The following ANO4 variants were observed in gnomAD, a reference collection of about 807,000 sequenced individuals.
ANO4 encodes anoctamin-4.
ANO4 carries 69 observed loss-of-function variants against 141.9 expected under a neutral mutation model. The observed-to-expected ratio is 0.49, with a 90% CI of 0.40 to 0.59. The LOEUF (loss-of-function observed/expected upper bound fraction) is 0.59, where lower values mean the gene tolerates loss of function less well. Among genes scored for constraint, ANO4 ranks in the 20% least tolerant of loss-of-function variants. ANO4 has a pLI of 0.00. For missense variants in ANO4, 894 were observed against 1,162.2 expected (o/e 0.77, Z 3.36); for synonymous variants, 350 against 394.3 (o/e 0.89, Z 1.33).
rs1220177267 is a variant in ANO4 at position 101,097,642 on chromosome 12, G to A, written c.1851-9G>A. Reference sequence around the variant, plus strand: ...GCACTAATGGCTTGTTTTTCTCTGTGTGTTGAAGATTTACAGGACACCCAG... The same window carrying A: ...GCACTAATGGCTTGTTTTTCTCTGTATGTTGAAGATTTACAGGACACCCAG... On this transcript the variant is annotated splice_polypyrimidine_tract_variant and intron_variant, in intron 19 of 27. Coordinates refer to ENST00000392977, the MANE Select transcript of ANO4 (RefSeq NM_001286615.2). 1 of 1,613,502 alleles carries A rather than the reference G, an allele frequency of 6.2e-7. No individual in the cohort carries two copies. The highest frequency in any genetic ancestry group is 8.5e-7 in the Non-Finnish European group (1 of 1,179,664).
At chr12:100,943,511 A>AT (rs573217361) in intron 5 of ANO4, among the ~76,000 whole-genome samples, 59 of 152,196 alleles carry the variant, frequency 3.9e-4, no homozygotes, top group African/African-American at 1.4e-3. Flanking sequence ...GATAAATGGG[A>AT]TTTTTTTCAG....
intron 3 of ANO4, among the ~76,000 whole-genome samples, chr12:100,931,577 A>G (rs1337446789): frequency 6.6e-6 from 1 of 152,150 alleles, no homozygotes; most frequent in African/African-American, 2.4e-5. Context: ...TACTTGTCTC[A>G]TAGGTTGTTT....
intron 2 of ANO4, among the ~76,000 whole-genome samples, chr12:100,907,448 G>A (rs756659679): frequency 6.6e-6 from 1 of 152,108 alleles, no homozygotes; most frequent in Admixed American, 6.5e-5. Flanking sequence ...ACTTCCCCGT[G>A]CTTCCACAGA....
rs192130861 is a variant in ANO4, at chr12:100,881,369, T to C, written c.-140-20277T>C. ...CCATTCCTTTATATTATAATACAAA[T>C]GCATATTCATATTCTGAATTTTAAC... On this transcript the variant is annotated intron_variant, in intron 1 of 27. Transcript: ENST00000392977. Among the ~76,000 whole-genome samples the C allele has an allele frequency of 5.3e-3, 801 of 151,120 alleles. 6 individuals carry two copies. The highest frequency in any genetic ancestry group is 8.8e-3 in the Admixed American group (133 of 15,158).
At chr12:100,723,873 T>C (rs1052180077) in intron 1 of ANO4, among the ~76,000 whole-genome samples, 4 of 152,154 alleles carry the variant, frequency 2.6e-5, no homozygotes, top group Admixed American at 1.3e-4. Flanking sequence ...TAAGTAACAA[T>C]GTGGATTTTT....
intron 1 of ANO4, among the ~76,000 whole-genome samples, chr12:100,826,684 T>C (rs1428918060): frequency 6.6e-6 from 1 of 152,042 alleles, no homozygotes; most frequent in Non-Finnish European, 1.5e-5. Context: ...ACATTTCTAG[T>C]TATTGTAGTT....
intron 15 of ANO4, among the ~76,000 whole-genome samples, chr12:101,083,082 A>G (rs889521837): frequency 1.2e-4 from 18 of 152,166 alleles, no homozygotes; most frequent in African/African-American, 3.9e-4. Flanking sequence ...CCTTGTTTTC[A>G]ATTAAGAATT....
At chr12:100,938,499 A>G (rs2042379203) in intron 3 of ANO4, among the ~76,000 whole-genome samples, 1 of 152,226 alleles carries the variant, frequency 6.6e-6, no homozygotes, top group African/African-American at 2.4e-5. Context: ...CCATTTTTAA[A>G]GCATCAAAAG....
intron 3 of ANO4, among the ~76,000 whole-genome samples, chr12:100,931,776 G>A (rs496934): frequency 0.67 from 101,005 of 151,814 alleles, 33,864 homozygotes; most frequent in Middle Eastern, 0.73. Context: ...GAAAATTGAT[G>A]TCATCCTACA....
intron 3 of ANO4, among the ~76,000 whole-genome samples, chr12:100,769,884 GTAAAA>G (rs2033224600): frequency 1.3e-5 from 2 of 152,104 alleles, no homozygotes; most frequent in African/African-American, 4.8e-5. Flanking sequence ...ATTTCCAGTA[GTAAAA>G]TAAACTGAAT....
chr12:101,114,290 ACAGT>A (rs1455865117), intron 24 of ANO4, among the ~76,000 whole-genome samples: 2 of 152,222 alleles, frequency 1.3e-5, no homozygotes, highest in Admixed American at 6.5e-5. Flanking sequence ...ACAATAGCTA[ACAGT>A]CTACAAAAGG....
At chr12:100,806,712 T>C (rs2035077574) in intron 1 of ANO4, among the ~76,000 whole-genome samples, 1 of 151,354 alleles carries the variant, frequency 6.6e-6, no homozygotes, top group South Asian at 2.1e-4. Context: ...GCCCAGCTAA[T>C]TTTTGTATTT....
intron 1 of ANO4, among the ~76,000 whole-genome samples, chr12:100,871,310 T>C (rs915607768): frequency 2.0e-5 from 3 of 152,230 alleles, no homozygotes; most frequent in African/African-American, 7.2e-5. Flanking sequence ...AATCAAACTC[T>C]GTATAAGATA....
At chr12:100,997,938 C>T (rs1403115557) in intron 8 of ANO4, among the ~76,000 whole-genome samples, 3 of 152,142 alleles carry the variant, frequency 2.0e-5, no homozygotes, top group African/African-American at 7.2e-5. Flanking sequence ...GACTTAACTG[C>T]TCATGGCCAT....
At chr12:100,933,138 A>G (rs574915306) in intron 3 of ANO4, among the ~76,000 whole-genome samples, 16 of 149,052 alleles carry the variant, frequency 1.1e-4, no homozygotes, top group African/African-American at 3.2e-4. Context: ...TTAAAATTAT[A>G]TTTTAAGTTC....
At chr12:101,025,178 A>G (rs1407832637) in intron 9 of ANO4, among the ~76,000 whole-genome samples, 1 of 152,266 alleles carries the variant, frequency 6.6e-6, no homozygotes, top group Non-Finnish European at 1.5e-5. Flanking sequence ...TCACAAAAGA[A>G]AAAACAGACA....
rs745433802 is a variant in ANO4 at position 101,083,791 on chromosome 12, C to T, written c.1509C>T (p.Ile503=). 6.4e-6 allele frequency: 10 copies of T among 1,572,538 alleles called. No individual in the cohort carries two copies. Among genetic ancestry groups the T allele is most frequent in the African/African-American group, 1.4e-5 (1 of 71,924 alleles). ...TTACAGATAAATGCAGCAGACTTAT[C>T]GTTTCTGCATCTGGAATATTTTTTA... ...QAFTDKCSRL[I]VSASGIFFMI... is the part of the protein sequence containing the mutation. Residue 503 remains isoleucine (I), a synonymous_variant, in exon 16 of 28, where the codon ATC becomes ATT. Coordinates refer to ENST00000392977, the MANE Select transcript of ANO4 (RefSeq NM_001286615.2).
At chr12:101,124,651 G>A (rs1369935712) in intron 26 of ANO4, among the ~76,000 whole-genome samples, 1 of 152,110 alleles carries the variant, frequency 6.6e-6, no homozygotes. Flanking sequence ...TTTATATAAG[G>A]TGTAAGGAAG....
chr12:101,067,100 G>A, intron 14 of ANO4: 1 of 383,194 alleles, frequency 2.6e-6, no homozygotes, highest in Non-Finnish European at 4.8e-6. Flanking sequence ...TATTCATTTA[G>A]TTTAAAGAGA....
Sources: allele counts gnomAD v4.1 joint callset (sites outside exome capture counted in the v4.1 genomes callset), GRCh38; gene constraint gnomAD v4.1.1; transcripts MANE v1.5; gene names NCBI Gene and HGNC (gene_info 2026-07-23, HGNC 2026-07-21).